COL6A5: variants seen among roughly 807,000 people sequenced by gnomAD.
COL6A5 encodes collagen type VI alpha 5 chain.
Under a neutral mutation model 65.6 loss-of-function variants are expected in COL6A5, and 48 were observed. The observed-to-expected ratio is 0.73, with a 90% CI of 0.58 to 0.93. The LOEUF (loss-of-function observed/expected upper bound fraction) is 0.93, where lower values mean the gene tolerates loss of function less well. Among genes scored for constraint, COL6A5 ranks in the 40% least tolerant of loss-of-function variants. COL6A5 has a pLI of 0.00. For missense variants in COL6A5, 914 were observed against 928.3 expected (o/e 0.98, Z 0.20); for synonymous variants, 291 against 322.8 (o/e 0.90, Z 1.05).
intron 15 of COL6A5, 29 bp from the exon 16 acceptor site, chr3:130,406,102 C>T (rs1299490955): frequency 1.3e-6 from 2 of 1,548,536 alleles, no homozygotes; most frequent in African/African-American, 2.7e-5. Context: ...CCTGCTTTTA[C>T]CTGATGCCTG....
At chr3:130,439,569 G>A in exon 2 of COL6A5, 1 of 1,551,086 alleles carries the variant, frequency 6.4e-7, no homozygotes, top group Non-Finnish European at 8.7e-7. Flanking sequence ...CTCCAAATGG[G>A]GAAAATCAAA....
At chr3:130,373,895 T>C (rs965379372) in intron 2 of COL6A5, among the ~76,000 whole-genome samples, 190 bp downstream of exon 2, 8 of 152,192 alleles carry the variant, frequency 5.3e-5, no homozygotes, top group Non-Finnish European at 8.8e-5. Context: ...TCAGGAGTTA[T>C]GTTGCACCTG....
At chr3:130,381,655 A>G (rs1935998622) in intron 4 of COL6A5, among the ~76,000 whole-genome samples, 1 of 152,226 alleles carries the variant, frequency 6.6e-6, no homozygotes, top group Admixed American at 6.5e-5. Context: ...ATTCTGAGAT[A>G]TCTGCTGTCC....
At chr3:130,472,031 C>T (rs1020687570) in intron 7 of COL6A5, 105 bp downstream of exon 40, 3 of 1,132,462 alleles carry the variant, frequency 2.6e-6, no homozygotes, top group African/African-American at 3.1e-5. Context: ...GTAGAGATGA[C>T]AGGATGAGGA....
exon 6 of COL6A5, chr3:130,388,892 G>GT: frequency 6.5e-7 from 1 of 1,548,392 alleles, no homozygotes; most frequent in Non-Finnish European, 8.7e-7. Context: ...AAGGGGGCCC[G>GT]TTTGGGGGCC....
chr3:130,350,954 C>T (rs897182052), intron 1 of COL6A5, among the ~76,000 whole-genome samples: 14 of 152,248 alleles, frequency 9.2e-5, no homozygotes, highest in African/African-American at 2.9e-4. Context: ...GGTACTGGTA[C>T]CAAAACAGAG....
exon 3 of COL6A5, chr3:130,376,534 T>A: frequency 6.2e-7 from 1 of 1,606,118 alleles, no homozygotes. Context: ...AGGACCTACT[T>A]CTCTGCACCC....
exon 3 of COL6A5, chr3:130,440,186 T>G: frequency 6.2e-7 from 1 of 1,611,640 alleles, no homozygotes; most frequent in African/African-American, 1.3e-5. Context: ...TCCAAATGCT[T>G]GCATTCGAGA....
At position 130,471,989 on chromosome 3, in the gene COL6A5, G is replaced by A. The variant is rs1709965037; in HGVS notation, c.2328+1022G>A. ...ACCTTTGTTTGGATTTTCCCCTGGTGGAAGATGAGCAGTTAGAATTCACTG... is the reference window on the plus strand; with the variant it reads ...ACCTTTGTTTGGATTTTCCCCTGGTAGAAGATGAGCAGTTAGAATTCACTG... On this transcript the variant is annotated intron_variant, in intron 7 of 7. Coordinates refer to ENST00000512836, the Ensembl canonical transcript of COL6A5. 7 of 1,427,754 alleles carry A rather than the reference G, an allele frequency of 4.9e-6. No individual in the cohort carries two copies. In the East Asian group the frequency reaches 1.5e-4, roughly 30 times the overall value. The allele number at this position is 1,427,754 out of a possible 1,614,324, so 88.4% of individuals were successfully genotyped here.
Position 130,391,774 on chromosome 3 carries a change from G to A in COL6A5, c.2992+20G>A. On this transcript the variant is annotated intron_variant and NMD_transcript_variant, in intron 7 of 41. Coordinates refer to the COL6A5 transcript ENST00000312481. Reference sequence around the variant, plus strand: ...CAGAGGGTAAGTTGTTACTTTTAAAGTTTCTATGGGGGTAGCAATAAAAGT... The same window carrying A: ...CAGAGGGTAAGTTGTTACTTTTAAAATTTCTATGGGGGTAGCAATAAAAGT... 2 of 1,500,934 alleles carry A rather than the reference G, an allele frequency of 1.3e-6. No homozygotes were observed. The highest frequency in any genetic ancestry group is 1.8e-6 in the Non-Finnish European group (2 of 1,116,498). 93.0% of individuals were successfully genotyped at this position (1,500,934 alleles called of 1,614,324 possible).
chr3:130,346,006 G>T (rs537465962), intron 1 of COL6A5, 25 bp downstream of exon 1: 8 of 398,744 alleles, frequency 2.0e-5, no homozygotes, highest in African/African-American at 1.6e-4. Flanking sequence ...CGGGGACTTG[G>T]GGCCTGAGGC....
intron 7 of COL6A5, chr3:130,477,141 TAA>T: frequency 7.9e-7 from 1 of 1,269,906 alleles, no homozygotes; most frequent in East Asian, 2.5e-5. Context: ...TTATAGAACG[TAA>T]GTTTACCTTA....
chr3:130,358,328 GTTATTT>G (rs1011963005), intron 1 of COL6A5, among the ~76,000 whole-genome samples: 20 of 152,108 alleles, frequency 1.3e-4, no homozygotes, highest in Non-Finnish European at 2.6e-4. Flanking sequence ...CAAAATTATT[GTTATTT>G]TTATTTAAAA....
chr3:130,413,579 C>T, exon 21 of COL6A5: 1 of 1,548,896 alleles, frequency 6.5e-7, no homozygotes, highest in Non-Finnish European at 8.7e-7. Flanking sequence ...CGAGGTGTCT[C>T]AGTAAGTAAC....
upstream of COL6A5, among the ~76,000 whole-genome samples, chr3:130,430,885 C>T (rs1016560167): frequency 3.9e-5 from 6 of 152,170 alleles, no homozygotes; most frequent in Admixed American, 1.3e-4. Flanking sequence ...CTTGATTCAT[C>T]TTTGCATGCA....
At chr3:130,426,681 A>G (rs909457187), upstream of COL6A5, among the ~76,000 whole-genome samples, 3 of 152,184 alleles carry the variant, frequency 2.0e-5, no homozygotes, top group Non-Finnish European at 1.5e-5. Flanking sequence ...TGAGTGAATT[A>G]ACTCACATTA....
At chr3:130,393,077 TGTGTGTGTGTGTG>T (rs1936458788) in intron 7 of COL6A5, among the ~76,000 whole-genome samples, 1 of 73,200 alleles carries the variant, frequency 1.4e-5, no homozygotes, top group Non-Finnish European at 2.4e-5. Flanking sequence ...GTTTTTTTTT[TGTGTGTGTGTGTG>T]TGTGTGTGTG....
exon 3 of COL6A5, chr3:130,440,289 C>T (rs1363868972): frequency 3.7e-6 from 6 of 1,613,140 alleles, no homozygotes; most frequent in Non-Finnish European, 5.1e-6. Context: ...GCTGTGAAAG[C>T]CTTGGTGAGC....
intron 4 of COL6A5, among the ~76,000 whole-genome samples, chr3:130,451,386 A>G (rs1011549453): frequency 1.3e-5 from 2 of 152,138 alleles, no homozygotes; most frequent in African/African-American, 2.4e-5. Context: ...TTGGAGGAGC[A>G]GAAGGAGCAG....
Sources: allele counts gnomAD v4.1 joint callset (sites outside exome capture counted in the v4.1 genomes callset), GRCh38; gene constraint gnomAD v4.1.1; transcripts MANE v1.5; gene names NCBI Gene and HGNC (gene_info 2026-07-23, HGNC 2026-07-21).